The following AGTPBP1 variants were observed in gnomAD, a reference collection of about 807,000 sequenced individuals.
AGTPBP1 encodes the protein cytosolic carboxypeptidase 1.
AGTPBP1 carries 70 observed loss-of-function variants against 143.9 expected under a neutral mutation model. The ratio of observed to expected loss-of-function variants is 0.49; its 90% CI spans 0.40 to 0.59. The LOEUF (loss-of-function observed/expected upper bound fraction) is 0.59. AGTPBP1 is among the 20% of genes least tolerant of loss of function. The pLI, the probability that AGTPBP1 is intolerant of heterozygous loss-of-function variation, is 0.00. For synonymous variants in AGTPBP1, 463 were observed against 500.2 expected, an observed-to-expected ratio of 0.93 and a Z score of 0.99; for missense variants, 1,229 against 1,464.5, an observed-to-expected ratio of 0.84 and a Z score of 2.62.
chr9:85,756,313 G>A, the AGTPBP1 span: 2,630 of 1,426,984 alleles, frequency 1.8e-3, 41 homozygotes, highest in African/African-American at 0.031. Context: ...CCACTAGGAT[G>A]GCTATAATCA....
chr9:85,632,811 T>G lies in AGTPBP1; in HGVS notation c.1866A>C (p.Pro622=), dbSNP rs1435620003. The change falls in exon 14 of 26, where the codon CCA becomes CCC. Residue 622 remains proline, a synonymous_variant. Coordinates refer to ENST00000357081, the MANE Select transcript of AGTPBP1 (RefSeq NM_001330701.2). ...EQASVEVPDG[P]TLHDPDLYIE... is the part of the protein sequence containing the mutation. ...TATAGAGGTCTGGGTCATGGAGTGT[T>G]GGTCCATCAGGTACTTCAACCGATG... is the stretch of plus-strand genomic sequence containing the variant. The G allele has an allele frequency of 6.2e-7, 1 of 1,614,164 alleles. No individual in the cohort carries two copies. Among genetic ancestry groups the G allele is most frequent in the Admixed American group, 1.7e-5 (1 of 60,012 alleles).
intron 25 of AGTPBP1, among the ~76,000 whole-genome samples, chr9:85,570,341 A>C (rs1827381913): frequency 6.6e-6 from 1 of 152,210 alleles, no homozygotes; most frequent in Non-Finnish European, 1.5e-5. Flanking sequence ...CTGAAACCAC[A>C]GAAAGTGAAG....
At chr9:85,618,950 T>G (rs1234984406) in intron 17 of AGTPBP1, 33 bp downstream of exon 17, 1 of 1,586,722 alleles carries the variant, frequency 6.3e-7, no homozygotes, top group Non-Finnish European at 8.6e-7. Context: ...GATGCCTGCA[T>G]GCCATTTCAA....
chr9:85,680,881 C>A (rs1446927224), intron 4 of AGTPBP1, among the ~76,000 whole-genome samples: 3 of 152,118 alleles, frequency 2.0e-5, no homozygotes, highest in African/African-American at 7.2e-5. Flanking sequence ...TGTATATCAG[C>A]TAAAACAATA....
intron 9 of AGTPBP1, among the ~76,000 whole-genome samples, chr9:85,658,277 G>A (rs1833651827): frequency 6.6e-6 from 1 of 151,964 alleles, no homozygotes; most frequent in African/African-American, 2.4e-5. Flanking sequence ...GTGCTTTCTG[G>A]CTTTCTAGTC....
intron 1 of AGTPBP1, among the ~76,000 whole-genome samples, chr9:85,717,344 A>T (rs1206107231): frequency 6.6e-6 from 1 of 152,164 alleles, no homozygotes; most frequent in East Asian, 1.9e-4. Context: ...TCTCTAAAAA[A>T]TAAAAAAATT....
intron 3 of AGTPBP1, 145 bp downstream of exon 3, chr9:85,692,544 G>C: frequency 1.1e-6 from 1 of 942,054 alleles, no homozygotes; most frequent in Non-Finnish European, 1.5e-6. Flanking sequence ...AAAGTGCTGG[G>C]ATTACAGGTG....
chr9:85,701,531 A>C (rs1406158638), intron 2 of AGTPBP1, among the ~76,000 whole-genome samples: 1 of 152,196 alleles, frequency 6.6e-6, no homozygotes, highest in Non-Finnish European at 1.5e-5. Flanking sequence ...CACCCGGCCA[A>C]CTTTTTATCT....
At chr9:85,737,422 T>G (rs1008841309) in intron 1 of AGTPBP1, among the ~76,000 whole-genome samples, 5 of 152,224 alleles carry the variant, frequency 3.3e-5, no homozygotes, top group African/African-American at 1.2e-4. Flanking sequence ...GCTTGTCACT[T>G]TAAGTAAACA....
the AGTPBP1 span, among the ~76,000 whole-genome samples, chr9:85,778,014 C>G: frequency 2.6e-5 from 4 of 152,166 alleles, no homozygotes; most frequent in Non-Finnish European, 5.9e-5. Flanking sequence ...CTTCTCTTCC[C>G]CTGTCAACTG....
chr9:85,767,655 T>C, the AGTPBP1 span, among the ~76,000 whole-genome samples: 3 of 151,794 alleles, frequency 2.0e-5, no homozygotes, highest in Admixed American at 1.3e-4. Context: ...CTAATTTTTG[T>C]ATTTTTAGTA....
intron 3 of AGTPBP1, among the ~76,000 whole-genome samples, chr9:85,685,799 T>C (rs1250418987): frequency 6.6e-6 from 1 of 152,126 alleles, no homozygotes; most frequent in Non-Finnish European, 1.5e-5. Flanking sequence ...TGTTGTAATG[T>C]ATACAGATGT....
At chr9:85,801,806 A>G in the AGTPBP1 span, among the ~76,000 whole-genome samples, 2 of 152,312 alleles carry the variant, frequency 1.3e-5, no homozygotes, top group South Asian at 4.1e-4. Context: ...GCCTAATTTG[A>G]AGAATTCAAC....
intron 11 of AGTPBP1, among the ~76,000 whole-genome samples, chr9:85,650,277 C>T (rs952850748): frequency 2.0e-5 from 3 of 152,078 alleles, no homozygotes; most frequent in Non-Finnish European, 2.9e-5. Context: ...TAAGTTTGAA[C>T]TGTGCAGGTT....
intron 3 of AGTPBP1, among the ~76,000 whole-genome samples, chr9:85,690,439 G>A (rs143040895): frequency 2.6e-4 from 40 of 152,294 alleles, no homozygotes; most frequent in Non-Finnish European, 4.3e-4. Context: ...TGGGAAGAGG[G>A]TCATTCTCTG....
At chr9:85,552,446 T>C (rs1315112139) in intron 25 of AGTPBP1, among the ~76,000 whole-genome samples, 1 of 152,172 alleles carries the variant, frequency 6.6e-6, no homozygotes, top group African/African-American at 2.4e-5. Flanking sequence ...CACCAGAATG[T>C]ACATCTTCGG....
rs1357178804 is a variant in AGTPBP1, at chr9:85,741,944, C to T, written c.-203G>A. On this transcript the variant is annotated 5_prime_UTR_variant, in exon 1 of 26. Transcript: ENST00000357081. ...GCAGCTGCGGCGGCGGCGCTGGAGGCGGCGGAACCTGTCCGCATCCCGGGC... is the reference window on the plus strand; with the variant it reads ...GCAGCTGCGGCGGCGGCGCTGGAGGTGGCGGAACCTGTCCGCATCCCGGGC... 2.1e-5 allele frequency: 27 copies of T among 1,292,082 alleles called. 1 individual carries two copies. In the South Asian group the frequency reaches 4.3e-4, roughly 21 times the overall value. 80.0% of individuals were successfully genotyped at this position (1,292,082 alleles called of 1,614,324 possible).
In AGTPBP1 at chr9:85,596,460, G is replaced by A. The variant is rs377196703; in HGVS notation, c.2336-11C>T. 12 of 1,493,890 alleles carry A rather than the reference G, an allele frequency of 8.0e-6. No individual in the cohort carries two copies. In the African/African-American group the frequency reaches 1.5e-4, roughly 19 times the overall value. 92.5% of individuals were successfully genotyped at this position (1,493,890 alleles called of 1,614,324 possible). On this transcript the variant is annotated splice_polypyrimidine_tract_variant and intron_variant, in intron 17 of 25. Coordinates refer to ENST00000357081, the MANE Select transcript of AGTPBP1 (RefSeq NM_001330701.2). ...TGAGTGGTTGCATACCTTTGAAAGA[G>A]AGAAAAAAAGAGAGAAAATTATTTT...
At chr9:85,603,900 A>T (rs11141033) in intron 17 of AGTPBP1, among the ~76,000 whole-genome samples, 27,991 of 151,648 alleles carry the variant, frequency 0.18, 3,329 homozygotes, top group East Asian at 0.51. Context: ...ACTCTTCTGC[A>T]TGAAAAAAAG....
Sources: gnomAD v4.1 joint callset for allele counts (sites outside exome capture counted in the v4.1 genomes callset) on GRCh38, gnomAD v4.1.1 for gene constraint, MANE v1.5 for transcripts, NCBI Gene and HGNC (gene_info 2026-07-23, HGNC 2026-07-21) for gene names.